KDM4C: variants seen among roughly 807,000 people sequenced by gnomAD.
The protein encoded by KDM4C is lysine demethylase 4C, also known as lysine-specific demethylase 4C.
In KDM4C, 81 loss-of-function variants were observed where a neutral mutation model predicts 129.3. The ratio of observed to expected loss-of-function variants is 0.63; its 90% CI spans 0.52 to 0.75. The LOEUF is 0.75. Ranked by LOEUF, KDM4C falls within the 30% of genes least tolerant of loss-of-function variation. The pLI, the probability that KDM4C is intolerant of heterozygous loss-of-function variation, is 0.00. For synonymous variants in KDM4C, 573 were observed against 456.1 expected, an observed-to-expected ratio of 1.26 and a Z score of -3.26; for missense variants, 1,457 against 1,304.0, an observed-to-expected ratio of 1.12 and a Z score of -1.81.
intron 1 of KDM4C, among the ~76,000 whole-genome samples, chr9:6,732,932 G>C (rs1170741317): frequency 6.6e-6 from 1 of 152,286 alleles, no homozygotes; most frequent in East Asian, 1.9e-4. Flanking sequence ...AGAATAGCTT[G>C]AAACCAGGAG....
At chr9:7,076,351 C>G (rs972304474) in intron 17 of KDM4C, 2 of 942,526 alleles carry the variant, frequency 2.1e-6, no homozygotes, top group African/African-American at 1.6e-5. Flanking sequence ...TAGTTTGTCT[C>G]ATGCTAAAGC....
chr9:6,943,630 G>T (rs535754629), intron 8 of KDM4C, among the ~76,000 whole-genome samples: 6 of 151,518 alleles, frequency 4.0e-5, no homozygotes, highest in Non-Finnish European at 7.4e-5. Flanking sequence ...AGCCATAATT[G>T]CCCCACTGCA....
At chr9:6,999,335 A>AC (rs1170573393) in intron 12 of KDM4C, among the ~76,000 whole-genome samples, 1 of 139,526 alleles carries the variant, frequency 7.2e-6, no homozygotes, top group Non-Finnish European at 1.6e-5. Context: ...CAGAAATTAC[A>AC]AATTTTTTTA....
At chr9:7,040,375 G>GTGTGTGTGTGTC (rs1341534210) in intron 15 of KDM4C, among the ~76,000 whole-genome samples, 12 of 71,934 alleles carry the variant, frequency 1.7e-4, no homozygotes, top group Admixed American at 1.2e-3. Context: ...CACTCTGTGT[G>GTGTGTGTGTGTC]TGTGTGTGTG....
At chr9:6,872,568 A>G (rs1470845922) in intron 5 of KDM4C, among the ~76,000 whole-genome samples, 2 of 152,140 alleles carry the variant, frequency 1.3e-5, no homozygotes, top group East Asian at 1.9e-4. Flanking sequence ...TTGGGTGCAT[A>G]TATATTTAGG....
At chr9:7,029,316 A>C (rs1326164846) in intron 15 of KDM4C, among the ~76,000 whole-genome samples, 1 of 137,486 alleles carries the variant, frequency 7.3e-6, no homozygotes, top group African/African-American at 2.6e-5. Flanking sequence ...TTTTTTGCCT[A>C]TACTGAAAAT....
intron 8 of KDM4C, among the ~76,000 whole-genome samples, chr9:6,915,095 G>A (rs537028231): frequency 6.6e-6 from 1 of 152,164 alleles, no homozygotes; most frequent in Non-Finnish European, 1.5e-5. Context: ...CTAAATCATA[G>A]AATTTTCTGT....
intron 16 of KDM4C, among the ~76,000 whole-genome samples, chr9:7,047,291 C>G (rs1178769369): frequency 6.6e-6 from 1 of 151,996 alleles, no homozygotes; most frequent in African/African-American, 2.4e-5. Context: ...AAACCGTGAT[C>G]TTCAGATAAA....
At chr9:6,788,241 T>C (rs1418832284) in intron 1 of KDM4C, among the ~76,000 whole-genome samples, 1 of 152,206 alleles carries the variant, frequency 6.6e-6, no homozygotes, top group Non-Finnish European at 1.5e-5. Context: ...ATTCCATTAG[T>C]GTCAGGACTT....
intron 17 of KDM4C, among the ~76,000 whole-genome samples, chr9:7,079,025 A>G (rs1218137728): frequency 6.6e-6 from 1 of 152,186 alleles, no homozygotes; most frequent in East Asian, 1.9e-4. Context: ...CCCAGAAGAA[A>G]AGCAGGTTTA....
At chr9:7,055,269 A>G (rs966151266) in intron 17 of KDM4C, among the ~76,000 whole-genome samples, 1 of 152,168 alleles carries the variant, frequency 6.6e-6, no homozygotes, top group Non-Finnish European at 1.5e-5. Context: ...TTTGGTTTCT[A>G]TGTCTTTAGA....
At chr9:7,124,390 C>G (rs934279370) in intron 18 of KDM4C, among the ~76,000 whole-genome samples, 4 of 152,196 alleles carry the variant, frequency 2.6e-5, no homozygotes, top group African/African-American at 9.7e-5. Context: ...TGTCCCTAAT[C>G]CACATCACTC....
rs58936720 is a variant in KDM4C at position 6,804,222 on chromosome 9, A to C, written c.145-1377A>C. The stretch of plus-strand genomic sequence containing the variant: ...AATTAAGTACTTAAATACTGCAGGC[A>C]AACACTGGTGTGCTGAGGCACCTTA... On this transcript the variant is annotated intron_variant, in intron 2 of 21. Coordinates refer to ENST00000381309, the MANE Select transcript of KDM4C (RefSeq NM_015061.6). Among the ~76,000 whole-genome samples the C allele has an allele frequency of 9.1e-3, 1,387 of 152,372 alleles. 20 individuals are homozygous for C. Among genetic ancestry groups the C allele is most frequent in the African/African-American group, 0.031 (1,304 of 41,586 alleles).
At chr9:6,975,276 A>G (rs762735926) in intron 8 of KDM4C, among the ~76,000 whole-genome samples, 1 of 152,240 alleles carries the variant, frequency 6.6e-6, no homozygotes, top group African/African-American at 2.4e-5. Flanking sequence ...ACACAGCATG[A>G]TATCATGCAT....
At chr9:6,742,532 A>G (rs1817735016) in intron 1 of KDM4C, among the ~76,000 whole-genome samples, 1 of 151,400 alleles carries the variant, frequency 6.6e-6, no homozygotes, top group African/African-American at 2.4e-5. Flanking sequence ...CAAAATTTAG[A>G]AAATTTTTAG....
intron 1 of KDM4C, among the ~76,000 whole-genome samples, chr9:6,784,166 T>A (rs1423683467): frequency 2.0e-5 from 3 of 152,040 alleles, no homozygotes; most frequent in African/African-American, 7.2e-5. Context: ...CACAATGCAG[T>A]TGGTTAGGTA....
intron 8 of KDM4C, among the ~76,000 whole-genome samples, chr9:6,955,064 C>T (rs1021144024): frequency 6.6e-6 from 1 of 152,202 alleles, no homozygotes; most frequent in African/African-American, 2.4e-5. Context: ...CCCTCTTCCT[C>T]CCCTTCAGGA....
Position 6,980,908 on chromosome 9 carries a change from A to G in KDM4C, c.922-17A>G. On this transcript the variant is annotated splice_polypyrimidine_tract_variant and intron_variant, in intron 8 of 21. Transcript: ENST00000381309. The stretch of plus-strand genomic sequence containing the variant: ...TTAGCGAAACGTTTAACACTCTCCA[A>G]CCCGGTTGTGTTTCAGTGCACTTGC... The G allele has an allele frequency of 6.2e-7, 1 of 1,612,748 alleles. No homozygotes were observed. The highest frequency in any genetic ancestry group is 8.5e-7 in the Non-Finnish European group (1 of 1,179,158).
intron 19 of KDM4C, among the ~76,000 whole-genome samples, chr9:7,138,301 TA>T (rs1298294457): frequency 2.0e-5 from 3 of 152,230 alleles, no homozygotes; most frequent in African/African-American, 7.2e-5. Flanking sequence ...CTCTATCATC[TA>T]ATTTTTTGCC....
Sources: allele counts gnomAD v4.1 joint callset (sites outside exome capture counted in the v4.1 genomes callset), GRCh38; gene constraint gnomAD v4.1.1; transcripts MANE v1.5; gene names NCBI Gene and HGNC (gene_info 2026-07-23, HGNC 2026-07-21).